Variants in DENND2B observed in about 807,000 individuals in gnomAD.
The protein encoded by DENND2B is DENN domain containing 2B.
Under a neutral mutation model 116.0 loss-of-function variants are expected in DENND2B, and 32 were observed. The ratio of observed to expected loss-of-function variants is 0.28; its 90% CI spans 0.21 to 0.37. The LOEUF (loss-of-function observed/expected upper bound fraction) is 0.37, where lower values mean the gene tolerates loss of function less well. Among genes scored for constraint, DENND2B ranks in the 10% least tolerant of loss-of-function variants. The probability of loss-of-function intolerance (pLI) is 1.00; values close to 1 mark genes in which losing one functional copy is unlikely to be tolerated. For synonymous variants in DENND2B, 588 were observed against 583.9 expected (o/e 1.01, Z -0.10); for missense variants, 1,276 against 1,477.7 (o/e 0.86, Z 2.24).
intron 2 of DENND2B, among the ~76,000 whole-genome samples, chr11:8,869,535 G>A (rs1218500102): frequency 1.3e-5 from 2 of 152,034 alleles, no homozygotes; most frequent in Admixed American, 6.6e-5. Context: ...AGTGGCAGGC[G>A]CCTATAATCC....
chr11:8,725,921 G>C (rs537396072), intron 4 of DENND2B, 152 bp downstream of exon 4: 1 of 1,103,850 alleles, frequency 9.1e-7, no homozygotes, highest in East Asian at 2.4e-5. Context: ...CTAAGCTAAG[G>C]TGCTTCCCCT....
At chr11:8,717,540 C>G (rs1373547192) in intron 5 of DENND2B, among the ~76,000 whole-genome samples, 2 of 152,162 alleles carry the variant, frequency 1.3e-5, no homozygotes, top group Non-Finnish European at 2.9e-5. Flanking sequence ...GGTGGACATC[C>G]TTGAGTGCAC....
intron 3 of DENND2B, among the ~76,000 whole-genome samples, chr11:8,855,410 T>G (rs992696835): frequency 6.6e-6 from 1 of 150,814 alleles, no homozygotes; most frequent in African/African-American, 2.4e-5. Context: ...ACGGGAAAAT[T>G]TAGCCTGATG....
chr11:8,821,137 A>T, intron 4 of DENND2B, among the ~76,000 whole-genome samples: 1 of 150,652 alleles, frequency 6.6e-6, no homozygotes, highest in Non-Finnish European at 1.5e-5. Flanking sequence ...AAAAAAAATT[A>T]ATTAATTAAT....
At chr11:8,877,177 C>T (rs561874194) in intron 2 of DENND2B, among the ~76,000 whole-genome samples, 9 of 142,040 alleles carry the variant, frequency 6.3e-5, no homozygotes, top group South Asian at 2.3e-4. Context: ...GATCTCGGCT[C>T]ACTGCAAGCT....
intron 4 of DENND2B, among the ~76,000 whole-genome samples, chr11:8,720,234 C>A (rs891142563): frequency 6.6e-6 from 1 of 152,144 alleles, no homozygotes; most frequent in Non-Finnish European, 1.5e-5. Flanking sequence ...AGTCCCAAGA[C>A]TAGCCCTCTT....
Position 8,860,572 on chromosome 11 carries a change from T to C in DENND2B, c.-249-3136A>G, listed in dbSNP as rs147093177. Among the ~76,000 whole-genome samples, 747 of 152,324 alleles carry C rather than the reference T, an allele frequency of 4.9e-3. 1 individual carries two copies. The highest frequency in any genetic ancestry group is 0.01 in the Middle Eastern group (3 of 294). ...CACAAACAAATAGAAATACACCCCA[T>C]GCTCATGAAATCAAAGAATCAATAT... is the stretch of plus-strand genomic sequence containing the variant. On this transcript the variant is annotated intron_variant, in intron 2 of 6. Transcript: ENST00000524757.
chr11:8,859,559 C>T (rs1360391263), intron 2 of DENND2B, among the ~76,000 whole-genome samples: 1 of 152,164 alleles, frequency 6.6e-6, no homozygotes. Flanking sequence ...CCACCCGCCT[C>T]GGCCTCCCAA....
intron 1 of DENND2B, among the ~76,000 whole-genome samples, chr11:8,754,901 G>A (rs1043241561): frequency 3.3e-5 from 5 of 152,174 alleles, no homozygotes; most frequent in African/African-American, 1.2e-4. Flanking sequence ...ATAGGAGTAC[G>A]GGGTTTCTTT....
intron 13 of DENND2B, among the ~76,000 whole-genome samples, chr11:8,705,455 C>T (rs1247207250): frequency 6.6e-6 from 1 of 152,200 alleles, no homozygotes; most frequent in Non-Finnish European, 1.5e-5. Flanking sequence ...TCCTGAGCCG[C>T]AGCCCTCTCC....
In DENND2B at chr11:8,859,095, C is replaced by A. The variant is rs146478473; in HGVS notation, c.-249-1659G>T. ...TGGCCCAAGATTTGCCATAAGCCTGCACGTCCTAAACCTTGTCTGGGGCTC... is the reference window on the plus strand; with the variant it reads ...TGGCCCAAGATTTGCCATAAGCCTGAACGTCCTAAACCTTGTCTGGGGCTC... On this transcript the variant is annotated intron_variant, in intron 2 of 6. Transcript: ENST00000524757. 5.2e-3 allele frequency among the ~76,000 whole-genome samples: 793 copies of A among 152,314 alleles called. 12 individuals carry two copies. The highest frequency in any genetic ancestry group is 0.018 in the African/African-American group (762 of 41,572).
chr11:8,715,912 G>A (rs906512941), intron 5 of DENND2B, 94 bp from the exon 6 acceptor site: 8 of 1,199,246 alleles, frequency 6.7e-6, no homozygotes, highest in East Asian at 2.5e-5. Flanking sequence ...GCCAAGGGCC[G>A]GCATCCCTGG....
chr11:8,707,526 C>T lies in DENND2B; in HGVS notation c.2430+251G>A, dbSNP rs2042815802. Among the ~76,000 whole-genome samples the T allele has an allele frequency of 6.6e-6, 1 of 152,266 alleles. No homozygotes were observed. Among genetic ancestry groups the T allele is most frequent in the Non-Finnish European group, 1.5e-5 (1 of 68,048 alleles). On this transcript the variant is annotated intron_variant, in intron 12 of 19. Coordinates refer to ENST00000313726, the MANE Select transcript of DENND2B (RefSeq NM_213618.2). The surrounding 1 kb of genome is among the most constrained non-coding windows in gnomAD (Gnocchi z 4.8). ...GCTTCCCCAAGGACTCTGGCTCTGC[C>T]TAGGGCCCAGGGTGGGCTGTGACAG...
At chr11:8,746,929 CA>C (rs2051372939) in intron 2 of DENND2B, among the ~76,000 whole-genome samples, 1 of 152,170 alleles carries the variant, frequency 6.6e-6, no homozygotes. Context: ...TTCTGTGCCT[CA>C]GTTTCCCAAT....
chr11:8,877,480 C>T (rs1175267822), intron 2 of DENND2B: 1 of 151,786 alleles, frequency 6.6e-6, no homozygotes, highest in Non-Finnish European at 1.5e-5. Flanking sequence ...AACTGGTTGT[C>T]ATCAATTAGT....
At position 8,750,766 on chromosome 11, in the gene DENND2B, C is replaced by T. The variant is rs775426161; in HGVS notation, c.-25-41G>A. 11 of 1,583,448 alleles carry T rather than the reference C, an allele frequency of 6.9e-6. No individual in the cohort carries two copies. The South Asian group carries it at 1.2e-4, about 18-fold the overall frequency. ...TGCCGGTAAGCCAAGTTTCTATAGGCAGCCAAAAGCACCTTGAACATCTTC... is the reference window on the plus strand; with the variant it reads ...TGCCGGTAAGCCAAGTTTCTATAGGTAGCCAAAAGCACCTTGAACATCTTC... On this transcript the variant is annotated intron_variant, in intron 1 of 19. Transcript: ENST00000313726.
At chr11:8,854,016 A>ATTTTTTTTTTTTTTTTTTTTTTTT (rs71059187) in intron 3 of DENND2B, among the ~76,000 whole-genome samples, 2 of 62,774 alleles carry the variant, frequency 3.2e-5, no homozygotes, top group African/African-American at 1.2e-4. Context: ...GCCCCAGTTA[A>ATTTTTTTTTTTTTTTTTTTTTTTT]TTTTTTTTTT....
chr11:8,830,738 C>A (rs1221506201), intron 4 of DENND2B: 2 of 152,176 alleles, frequency 1.3e-5, no homozygotes, highest in African/African-American at 4.8e-5. Flanking sequence ...GGGGAAAGAG[C>A]CCCCATCACA....
At chr11:8,740,397 T>C (rs1210706544) in intron 2 of DENND2B, among the ~76,000 whole-genome samples, 1 of 152,098 alleles carries the variant, frequency 6.6e-6, no homozygotes, top group African/African-American at 2.4e-5. Context: ...CAAGAAGCAT[T>C]TGTGCTAAGG....
Sources: allele counts gnomAD v4.1 joint callset (sites outside exome capture counted in the v4.1 genomes callset), GRCh38; gene constraint gnomAD v4.1.1; non-coding constraint Gnocchi (gnomAD v3.1); transcripts MANE v1.5; gene names NCBI Gene and HGNC (gene_info 2026-07-23, HGNC 2026-07-21).